Variants in FXYD7 observed in about 807,000 individuals in gnomAD.
FXYD7 encodes FXYD domain containing ion transport regulator 7.
FXYD7 carries 7 observed loss-of-function variants against 15.3 expected under a neutral mutation model. That is an observed-to-expected ratio of 0.46 (90% CI 0.26 to 0.86). The LOEUF (loss-of-function observed/expected upper bound fraction) is 0.86. Ranked by LOEUF, FXYD7 falls within the 40% of genes least tolerant of loss-of-function variation. The pLI is 0.16. For missense variants in FXYD7, 78 were observed against 100.6 expected, an observed-to-expected ratio of 0.78 and a Z score of 0.96; for synonymous variants, 39 against 39.3, an observed-to-expected ratio of 0.99 and a Z score of 0.03.
chr19:35,153,275 G>C (rs2065322711), intron 5 of FXYD7, among the ~76,000 whole-genome samples: 1 of 151,976 alleles, frequency 6.6e-6, no homozygotes, highest in African/African-American at 2.4e-5. Context: ...GGCCAGGCTG[G>C]TCTCAAACTC....
At chr19:35,152,155 A>G (rs893354090) in intron 5 of FXYD7, among the ~76,000 whole-genome samples, 88 of 140,334 alleles carry the variant, frequency 6.3e-4, no homozygotes, top group African/African-American at 2.2e-3. Flanking sequence ...AAAAAAAAAA[A>G]GAGGAAGGAA....
At chr19:35,151,574 C>T in intron 4 of FXYD7, 59 bp from the exon 5 acceptor site, 1 of 1,597,170 alleles carries the variant, frequency 6.3e-7, no homozygotes, top group East Asian at 2.2e-5. Context: ...TGCGTTTTCC[C>T]CAAAGCCTAT....
Position 35,154,055 on chromosome 19 carries a change from G to T in FXYD7, c.*139G>T, listed in dbSNP as rs1023864140. On this transcript the variant is annotated 3_prime_UTR_variant, in exon 6 of 6. Transcript: ENST00000270310. ...CCCCACCCACCCCAAGGCTGGAGCC[G>T]CTGCACCCTGCTGTCCCTCTCCAGG... is the stretch of plus-strand genomic sequence containing the variant. 5.7e-6 allele frequency: 4 copies of T among 707,152 alleles called. No individual in the cohort carries two copies. Among genetic ancestry groups the T allele is most frequent in the African/African-American group, 1.8e-5 (1 of 55,948 alleles). 43.8% of individuals were successfully genotyped at this position (707,152 alleles called of 1,614,324 possible).
In FXYD7 at chr19:35,148,770, G is replaced by A. The variant is rs116326000; in HGVS notation, c.61+47G>A. 1,530 of 1,529,814 alleles carry A rather than the reference G, an allele frequency of 1.0e-3. 10 individuals carry two copies. The African/African-American group carries it at 0.018, about 18-fold the overall frequency. 94.8% of individuals were successfully genotyped at this position (1,529,814 alleles called of 1,614,324 possible). On this transcript the variant is annotated intron_variant, in intron 2 of 5. Coordinates refer to ENST00000270310, the MANE Select transcript of FXYD7 (RefSeq NM_022006.2). Reference sequence around the variant, plus strand: ...AGGGCTGGACTGGGGAGTAGCTGCAGGTGCTCACAGATCACTCCGGACATG... The same window carrying A: ...AGGGCTGGACTGGGGAGTAGCTGCAAGTGCTCACAGATCACTCCGGACATG...
chr19:35,149,301 C>T (rs760916771), intron 2 of FXYD7: 21 of 336,214 alleles, frequency 6.2e-5, no homozygotes, highest in Middle Eastern at 1.1e-3. Flanking sequence ...TACTTTTTCC[C>T]TAGGTGTCAA....
At position 35,146,592 on chromosome 19, in the gene FXYD7, TG is replaced by T. The variant is rs1355045497; in HGVS notation, c.32-2101del. Among the ~76,000 whole-genome samples, 5 of 152,302 alleles carry T rather than the reference TG, an allele frequency of 3.3e-5. No individual in the cohort carries two copies. In the East Asian group the frequency reaches 9.6e-4, roughly 29 times the overall value. On this transcript the variant is annotated intron_variant, in intron 1 of 5. Coordinates refer to ENST00000270310, the MANE Select transcript of FXYD7 (RefSeq NM_022006.2). ...AGTTGCTATGAAGATTAAGAGTAAA[TG>T]CGCTGATATCTGTCAGATGCTTAGC...
chr19:35,145,706 C>T (rs1369609546), intron 1 of FXYD7, among the ~76,000 whole-genome samples: 2 of 152,210 alleles, frequency 1.3e-5, no homozygotes, highest in African/African-American at 4.8e-5. Context: ...GTACTACCGT[C>T]ACAATTTTTG....
chr19:35,143,474 G>A lies in FXYD7; in HGVS notation c.31+110G>A. On this transcript the variant is annotated intron_variant, in intron 1 of 5. Coordinates refer to ENST00000270310, the MANE Select transcript of FXYD7 (RefSeq NM_022006.2). The surrounding 1 kb of genome is among the most constrained non-coding windows in gnomAD (Gnocchi z 4.3). ...GGTAAGGCAAGGGAGTTGGGGGAGG[G>A]AGGTCCGCTCCTCCTGTGGGCGGAA... 1.2e-6 allele frequency: 1 copy of A among 860,510 alleles called. No homozygotes were observed. The highest frequency in any genetic ancestry group is 2.0e-5 in the South Asian group (1 of 49,724). The allele number at this position is 860,510 out of a possible 1,614,324, so 53.3% of individuals were successfully genotyped here. A position where few individuals can be genotyped will look rare whatever the true frequency, so the allele number is the denominator to read the frequency against.
chr19:35,153,719 C>T (rs1171045600), intron 5 of FXYD7, among the ~76,000 whole-genome samples, 175 bp from the exon 6 acceptor site: 1 of 152,070 alleles, frequency 6.6e-6, no homozygotes, highest in Non-Finnish European at 1.5e-5. Flanking sequence ...GGAGGTGTCC[C>T]CAAGGGAACA....
intron 5 of FXYD7, among the ~76,000 whole-genome samples, chr19:35,152,577 T>G (rs990141902): frequency 8.6e-5 from 13 of 151,638 alleles, no homozygotes; most frequent in African/African-American, 2.9e-4. Flanking sequence ...AAAGAACATA[T>G]GGGATGCAGG....
At chr19:35,147,282 G>A (rs1266206721) in intron 1 of FXYD7, among the ~76,000 whole-genome samples, 1 of 152,180 alleles carries the variant, frequency 6.6e-6, no homozygotes, top group African/African-American at 2.4e-5. Flanking sequence ...ATCTGAGCCT[G>A]GAAGGGGGAA....
intron 2 of FXYD7, among the ~76,000 whole-genome samples, chr19:35,149,851 T>C (rs2065303242): frequency 6.6e-6 from 1 of 152,200 alleles, no homozygotes; most frequent in South Asian, 2.1e-4. Context: ...TGCTAGTGCT[T>C]TGGGAGGCTG....
chr19:35,151,546 G>T, intron 4 of FXYD7, 64 bp downstream of exon 4: 1 of 1,592,554 alleles, frequency 6.3e-7, no homozygotes, highest in Non-Finnish European at 8.6e-7. Flanking sequence ...AGATGGGCAG[G>T]ATCCACTGGG....
chr19:35,144,398 G>T (rs1414226709), intron 1 of FXYD7, among the ~76,000 whole-genome samples: 1 of 152,068 alleles, frequency 6.6e-6, no homozygotes, highest in Non-Finnish European at 1.5e-5. Flanking sequence ...CACTTCTACC[G>T]TCGCCCCCTA....
At chr19:35,150,956 AG>A (rs1203290641) in intron 2 of FXYD7, among the ~76,000 whole-genome samples, 1 of 152,140 alleles carries the variant, frequency 6.6e-6, no homozygotes, top group African/African-American at 2.4e-5. Flanking sequence ...AATGGTGGAC[AG>A]AACCAGGGCC....
In FXYD7 at chr19:35,154,249, C is replaced by A; in HGVS notation, c.*333C>A. On this transcript the variant is annotated 3_prime_UTR_variant, in exon 6 of 6. Coordinates refer to ENST00000270310, the MANE Select transcript of FXYD7 (RefSeq NM_022006.2). Reference sequence around the variant, plus strand: ...ATCCCCGAAGATCCGTCCCCCTGGCCCCTCAGTGTCCATGTCTTGAGCTTA... The same window carrying A: ...ATCCCCGAAGATCCGTCCCCCTGGCACCTCAGTGTCCATGTCTTGAGCTTA... 2.1e-6 allele frequency: 1 copy of A among 466,872 alleles called. No homozygotes were observed. Among genetic ancestry groups the A allele is most frequent in the Non-Finnish European group, 3.8e-6 (1 of 261,784 alleles). The allele number at this position is 466,872 out of a possible 1,614,324, so 28.9% of individuals were successfully genotyped here.
At chr19:35,152,895 G>C (rs1295433610) in intron 5 of FXYD7, among the ~76,000 whole-genome samples, 2 of 116,400 alleles carry the variant, frequency 1.7e-5, no homozygotes, top group African/African-American at 3.1e-5. Context: ...ACTTGTAAAA[G>C]AACAGAAATG....
intron 5 of FXYD7, among the ~76,000 whole-genome samples, chr19:35,152,407 C>T (rs545521346): frequency 1.2e-4 from 18 of 151,340 alleles, no homozygotes; most frequent in African/African-American, 3.6e-4. Flanking sequence ...CTGAGGAAGA[C>T]GGGGAGAGGC....
chr19:35,151,774 G>A (rs916603747), intron 5 of FXYD7, 101 bp downstream of exon 5: 7 of 760,850 alleles, frequency 9.2e-6, no homozygotes, highest in East Asian at 8.1e-5. Flanking sequence ...CGCAGGGGGC[G>A]GAGGGGGGGT....
Sources: gnomAD v4.1 joint callset for allele counts (sites outside exome capture counted in the v4.1 genomes callset) on GRCh38, gnomAD v4.1.1 for gene constraint, Gnocchi (gnomAD v3.1) non-coding constraint, MANE v1.5 for transcripts, NCBI Gene and HGNC (gene_info 2026-07-23, HGNC 2026-07-21) for gene names.